Variants in ARG1 observed in about 807,000 individuals in gnomAD.
ARG1 encodes the protein arginase 1, also known as arginase-1.
A neutral mutation model predicts 33.0 loss-of-function variants in ARG1; 20 were observed. The ratio of observed to expected loss-of-function variants is 0.61; its 90% CI spans 0.43 to 0.88. The LOEUF is 0.88. Among genes scored for constraint, ARG1 ranks in the 40% least tolerant of loss-of-function variants. The pLI is 0.00. For synonymous variants in ARG1, 146 were observed against 140.6 expected, an observed-to-expected ratio of 1.04 and a Z score of -0.27; for missense variants, 374 against 384.7, an observed-to-expected ratio of 0.97 and a Z score of 0.23.
At chr6:131,574,284 T>G in intron 1 of ARG1, 1 of 1,614,010 alleles carries the variant, frequency 6.2e-7, no homozygotes, top group East Asian at 2.2e-5. Flanking sequence ...TGCTGTGTAC[T>G]CTGACTTTTT....
Position 131,573,252 on chromosome 6 carries a change from G to A in ARG1, c.-31G>A, listed in dbSNP as rs755511669. 3.3e-5 allele frequency: 53 copies of A among 1,613,456 alleles called. No homozygotes were observed. The East Asian group carries it at 7.1e-4, about 22-fold the overall frequency. On this transcript the variant is annotated 5_prime_UTR_variant, in exon 1 of 8. Transcript: ENST00000368087. ...TCACTGAGGGTTGACTGACTGGAGAGCTCAAGTGCAGCAAAGAGAAGTGTC... is the reference window on the plus strand; with the variant it reads ...TCACTGAGGGTTGACTGACTGGAGAACTCAAGTGCAGCAAAGAGAAGTGTC...
At chr6:131,577,454 T>A (rs1773674727) in intron 2 of ARG1, among the ~76,000 whole-genome samples, 1 of 152,216 alleles carries the variant, frequency 6.6e-6, no homozygotes, top group African/African-American at 2.4e-5. Flanking sequence ...GGATATGTTT[T>A]CATTTCTCTT....
intron 1 of ARG1, 51 bp downstream of exon 1, chr6:131,573,390 G>C: frequency 6.3e-7 from 1 of 1,592,570 alleles, no homozygotes; most frequent in East Asian, 2.2e-5. Flanking sequence ...TGAAAATTTT[G>C]GACTTCAAAA....
chr6:131,573,955 C>G (rs534237524), intron 1 of ARG1: 5 of 360,568 alleles, frequency 1.4e-5, no homozygotes, highest in Non-Finnish European at 2.1e-5. Context: ...GAAAGAAAAT[C>G]CTACTGCGGG....
intron 4 of ARG1, 84 bp downstream of exon 4, chr6:131,581,462 G>A: frequency 7.1e-7 from 1 of 1,407,910 alleles, no homozygotes; most frequent in Non-Finnish European, 9.8e-7. Flanking sequence ...GAAACTCCAT[G>A]TTATCTTATT....
chr6:131,579,244 G>T lies in ARG1; in HGVS notation c.264G>T (p.Lys88Asn). 1 of 1,614,114 alleles carries T rather than the reference G, an allele frequency of 6.2e-7. No homozygotes were observed. The highest frequency in any genetic ancestry group is 1.1e-5 in the South Asian group (1 of 91,078). The change falls in exon 3 of 8, where the codon AAG becomes AAT. Residue 88 changes from lysine to asparagine, a missense_variant. Physicochemically the swap from Lys to Asn is moderately conservative, Grantham distance 94. Transcript: ENST00000368087. ...TGGCTGGCAAGGTGGCAGAAGTCAA[G>T]AAGAACGGAAGAATCAGCCTGGTGC... Reference protein sequence around the residue: ...EQLAGKVAEVKKNGRISLVLG... With the variant: ...EQLAGKVAEVNKNGRISLVLG...
At chr6:131,579,046 C>T in intron 2 of ARG1, 65 bp from the exon 3 acceptor site, 1 of 1,552,634 alleles carries the variant, frequency 6.4e-7, no homozygotes, top group Non-Finnish European at 8.8e-7. Context: ...CAATTGAGAT[C>T]ATCCTACACA....
rs34504481 is a variant in ARG1 at position 131,579,250 on chromosome 6, C to T, written c.270C>T (p.Asn90=). 89,766 of 1,613,884 alleles carry T rather than the reference C, an allele frequency of 0.056. 2,726 individuals are homozygous for T. Among genetic ancestry groups the T allele is most frequent in the Non-Finnish European group, 0.062 (73,056 of 1,179,940 alleles). Reference sequence around the variant, plus strand: ...GCAAGGTGGCAGAAGTCAAGAAGAACGGAAGAATCAGCCTGGTGCTGGGCG... The same window carrying T: ...GCAAGGTGGCAGAAGTCAAGAAGAATGGAAGAATCAGCCTGGTGCTGGGCG... ...LAGKVAEVKK[N]GRISLVLGGD... Residue 90 remains asparagine, a synonymous_variant, in exon 3 of 8, where the codon AAC becomes AAT. Coordinates refer to ENST00000368087, the MANE Select transcript of ARG1 (RefSeq NM_000045.4).
At chr6:131,573,824 C>T (rs1773486197) in intron 1 of ARG1, 1 of 219,932 alleles carries the variant, frequency 4.5e-6, no homozygotes, top group African/African-American at 2.3e-5. Flanking sequence ...TTGTTTCATG[C>T]AACTTTGTGA....
At chr6:131,576,809 C>G in intron 2 of ARG1, 74 bp downstream of exon 2, 2 of 1,307,384 alleles carry the variant, frequency 1.5e-6, no homozygotes, top group Non-Finnish European at 2.2e-6. Flanking sequence ...CCCTGTGAAC[C>G]TGGAGTGTGT....
chr6:131,573,473 C>A, intron 1 of ARG1, 134 bp downstream of exon 1: 1 of 822,662 alleles, frequency 1.2e-6, no homozygotes, highest in Non-Finnish European at 2.0e-6. Context: ...ATTTTAAAGT[C>A]CTCTCACCAT....
In ARG1 at chr6:131,583,434, G is replaced by A. The variant is rs182650447; in HGVS notation, c.745G>A (p.Val249Met). 73 of 1,614,088 alleles carry A rather than the reference G, an allele frequency of 4.5e-5. No individual in the cohort carries two copies. The highest frequency in any genetic ancestry group is 5.8e-5 in the Non-Finnish European group (69 of 1,179,986). ...CACACCAGCTACTGGCACACCAGTCGTGGGAGGTCTGACATACAGAGAAGG... is the reference window on the plus strand; with the variant it reads ...CACACCAGCTACTGGCACACCAGTCATGGGAGGTCTGACATACAGAGAAGG... ...SFTPATGTPVVGGLTYREGLY... is the reference protein window; with the variant it reads ...SFTPATGTPVMGGLTYREGLY... Residue 249 changes from valine to methionine, a missense_variant, in exon 7 of 8, where the codon GTG becomes ATG. Coordinates refer to ENST00000368087, the MANE Select transcript of ARG1 (RefSeq NM_000045.4).
chr6:131,579,420 A>C, intron 3 of ARG1, 135 bp downstream of exon 3: 1 of 984,590 alleles, frequency 1.0e-6, no homozygotes, highest in Non-Finnish European at 1.5e-6. Context: ...GCCTTTAAAA[A>C]AATTTTATAG....
intron 2 of ARG1, 64 bp downstream of exon 2, chr6:131,576,799 C>T: frequency 7.2e-7 from 1 of 1,394,888 alleles, no homozygotes; most frequent in South Asian, 1.2e-5. Context: ...AAGAGCAGGC[C>T]CCTGTGAACC....
At position 131,579,258 on chromosome 6, in the gene ARG1, T is replaced by A; in HGVS notation, c.278T>A (p.Ile93Asn). The stretch of plus-strand genomic sequence containing the variant: ...GCAGAAGTCAAGAAGAACGGAAGAA[T>A]CAGCCTGGTGCTGGGCGGAGACCAC... The part of the protein sequence containing the change: ...KVAEVKKNGR[I>N]SLVLGGDHSL... Residue 93 changes from isoleucine (I) to asparagine (N), a missense_variant, in exon 3 of 8, where the codon ATC becomes AAC. Coordinates refer to ENST00000368087, the MANE Select transcript of ARG1 (RefSeq NM_000045.4). 1 of 1,614,094 alleles carries A rather than the reference T, an allele frequency of 6.2e-7. No individual in the cohort carries two copies. The highest frequency in any genetic ancestry group is 2.2e-5 in the East Asian group (1 of 44,880).
At chr6:131,577,759 G>T (rs1331057559) in intron 2 of ARG1, among the ~76,000 whole-genome samples, 1 of 151,758 alleles carries the variant, frequency 6.6e-6, no homozygotes, top group African/African-American at 2.4e-5. Flanking sequence ...AAAAAAAATA[G>T]CTGGGCGTGG....
At chr6:131,578,407 ACT>A (rs1314485084) in intron 2 of ARG1, among the ~76,000 whole-genome samples, 10 of 152,048 alleles carry the variant, frequency 6.6e-5, no homozygotes, top group South Asian at 4.1e-4. Flanking sequence ...TTTACATGAC[ACT>A]CTCTACTTTT....
intron 2 of ARG1, among the ~76,000 whole-genome samples, chr6:131,577,090 GAAATA>G (rs1773652272): frequency 6.6e-6 from 1 of 152,102 alleles, no homozygotes; most frequent in South Asian, 2.1e-4. Flanking sequence ...CCCTATTTGT[GAAATA>G]AAATAAAATA....
In ARG1 at chr6:131,583,921, C is replaced by A. The variant is rs1460741759; in HGVS notation, c.*13C>A. On this transcript the variant is annotated 3_prime_UTR_variant, in exon 8 of 8. Coordinates refer to ENST00000368087, the MANE Select transcript of ARG1 (RefSeq NM_000045.4). ...CCCACCTAAGTAAATGTGGAAACAT[C>A]CGATATAAATCTCATAGTTAATGGC... The A allele has an allele frequency of 5.6e-6, 9 of 1,613,056 alleles. No homozygotes were observed. Among genetic ancestry groups the A allele is most frequent in the Non-Finnish European group, 7.6e-6 (9 of 1,179,116 alleles).
Sources: allele counts gnomAD v4.1 joint callset (sites outside exome capture counted in the v4.1 genomes callset), GRCh38; gene constraint gnomAD v4.1.1; transcripts MANE v1.5; gene names NCBI Gene and HGNC (gene_info 2026-07-23, HGNC 2026-07-21).